SEZ6L: variants seen among roughly 807,000 people sequenced by gnomAD.
SEZ6L encodes the protein seizure related 6 homolog like, also known as seizure 6-like protein.
SEZ6L carries 37 observed loss-of-function variants against 106.2 expected under a neutral mutation model. That is an observed-to-expected ratio of 0.35 (90% confidence interval 0.27 to 0.46). The LOEUF is 0.46. Ranked by LOEUF, SEZ6L falls within the 20% of genes least tolerant of loss-of-function variation. The pLI is 1.00. For synonymous variants in SEZ6L, 541 were observed against 570.4 expected, an observed-to-expected ratio of 0.95 and a Z score of 0.73; for missense variants, 1,172 against 1,332.8, an observed-to-expected ratio of 0.88 and a Z score of 1.88.
intron 14 of SEZ6L, among the ~76,000 whole-genome samples, chr22:26,373,946 A>G (rs1194947337): frequency 1.3e-5 from 2 of 152,048 alleles, no homozygotes; most frequent in Admixed American, 6.6e-5. Context: ...CCCTTCTCCC[A>G]TCTCTCCTTA....
At chr22:26,174,217 G>T (rs1478461010) in intron 1 of SEZ6L, among the ~76,000 whole-genome samples, 1 of 152,150 alleles carries the variant, frequency 6.6e-6, no homozygotes, top group Non-Finnish European at 1.5e-5. Flanking sequence ...GTCAGTGAAG[G>T]CTTCCTGGAG....
At chr22:26,267,653 G>C (rs913523849) in intron 1 of SEZ6L, among the ~76,000 whole-genome samples, 10 of 152,150 alleles carry the variant, frequency 6.6e-5, no homozygotes, top group African/African-American at 2.4e-4. Flanking sequence ...ATGAAAGTAG[G>C]CATTTTAATT....
intron 13 of SEZ6L, among the ~76,000 whole-genome samples, chr22:26,365,912 CTGT>C (rs2083794857): frequency 6.6e-6 from 1 of 151,994 alleles, no homozygotes; most frequent in Non-Finnish European, 1.5e-5. Flanking sequence ...AGCTGAGCTG[CTGT>C]ACTTCATTAA....
chr22:26,348,612 A>AAGAAAGAAAGAAAG lies in SEZ6L; in HGVS notation c.2407+700_2407+701insGAAAGAAAGAAAGA, dbSNP rs1247149879. 9.2e-5 allele frequency among the ~76,000 whole-genome samples: 2 copies of AAGAAAGAAAGAAAG among 21,786 alleles called. 1 individual carries two copies. The highest frequency in any genetic ancestry group is 8.8e-4 in the African/African-American group (2 of 2,282). The allele number at this position is 21,786 out of a possible 152,430, so 14.3% of individuals were successfully genotyped here. The stretch of plus-strand genomic sequence containing the variant: ...AGAAAGAAAGAAAGAAAGAAAGAGA[A>AAGAAAGAAAGAAAG]AAAGAAAGAAAGAAAGAAAGAAAGA... On this transcript the variant is annotated intron_variant, in intron 11 of 16. Transcript: ENST00000248933.
At chr22:26,322,655 G>A (rs1228264885) in intron 9 of SEZ6L, among the ~76,000 whole-genome samples, 1 of 152,190 alleles carries the variant, frequency 6.6e-6, no homozygotes. Context: ...GTGACCATTA[G>A]GCATGAAATG....
chr22:26,327,151 G>T (rs2082331108), intron 9 of SEZ6L, among the ~76,000 whole-genome samples: 1 of 151,764 alleles, frequency 6.6e-6, no homozygotes, highest in Non-Finnish European at 1.5e-5. Context: ...CTCCAGCAAT[G>T]CAGAGCCCCG....
rs181751696 is a variant in SEZ6L, at chr22:26,342,579, C to T, written c.2212+1947C>T. 5.6e-3 allele frequency among the ~76,000 whole-genome samples: 851 copies of T among 152,052 alleles called. 1 individual carries two copies. The highest frequency in any genetic ancestry group is 8.0e-3 in the Non-Finnish European group (541 of 67,972). ...GGTGTGGTGGCAGGCACCTGTAGTCCCAGCTACTCGGGAGGCTGAGGCAGG... is the reference window on the plus strand; with the variant it reads ...GGTGTGGTGGCAGGCACCTGTAGTCTCAGCTACTCGGGAGGCTGAGGCAGG... On this transcript the variant is annotated intron_variant, in intron 10 of 16. Coordinates refer to ENST00000248933, the MANE Select transcript of SEZ6L (RefSeq NM_021115.5).
At chr22:26,235,758 T>C (rs987296373) in intron 1 of SEZ6L, among the ~76,000 whole-genome samples, 1 of 152,202 alleles carries the variant, frequency 6.6e-6, no homozygotes, top group African/African-American at 2.4e-5. Context: ...ACCTGGAGCA[T>C]GGATCTCCAA....
intron 1 of SEZ6L, among the ~76,000 whole-genome samples, chr22:26,183,113 T>C (rs1283845931): frequency 6.6e-6 from 1 of 152,210 alleles, no homozygotes; most frequent in Non-Finnish European, 1.5e-5. Flanking sequence ...CTTGCTTAAT[T>C]ATTAGCAGAA....
At chr22:26,235,950 T>A (rs966622736) in intron 1 of SEZ6L, among the ~76,000 whole-genome samples, 3 of 152,252 alleles carry the variant, frequency 2.0e-5, no homozygotes, top group Non-Finnish European at 4.4e-5. Flanking sequence ...CATGAGTCAC[T>A]GGGCTTGCGG....
Position 26,311,980 on chromosome 22 carries a change from G to A in SEZ6L, c.1876+18G>A, listed in dbSNP as rs777124607. The A allele has an allele frequency of 2.5e-5, 40 of 1,606,416 alleles. No individual in the cohort carries two copies. The highest frequency in any genetic ancestry group is 2.7e-5 in the Non-Finnish European group (32 of 1,174,896). On this transcript the variant is annotated intron_variant, in intron 8 of 16. Coordinates refer to ENST00000248933, the MANE Select transcript of SEZ6L (RefSeq NM_021115.5). ...GTGCAGAGGTGAGCGGATCCACAAC[G>A]CTCTTCCCACGGCACCCCAGGGATC... is the stretch of plus-strand genomic sequence containing the variant.
At chr22:26,284,591 C>A (rs2080869801) in intron 1 of SEZ6L, among the ~76,000 whole-genome samples, 1 of 108,054 alleles carries the variant, frequency 9.3e-6, no homozygotes, top group African/African-American at 3.5e-5. Context: ...GCCTTGATGA[C>A]AGATCAGGAC....
intron 16 of SEZ6L, 35 bp from the exon 17 acceptor site, chr22:26,380,231 A>G: frequency 6.2e-7 from 1 of 1,610,988 alleles, no homozygotes; most frequent in Non-Finnish European, 8.5e-7. Context: ...CTACCACACA[A>G]GCGTTTGACA....
At chr22:26,259,020 T>C (rs2079915288) in intron 1 of SEZ6L, among the ~76,000 whole-genome samples, 1 of 152,162 alleles carries the variant, frequency 6.6e-6, no homozygotes, top group African/African-American at 2.4e-5. Context: ...TTTGGGCCAG[T>C]GGGCATGGCC....
chr22:26,209,504 AG>A (rs1303426897), intron 1 of SEZ6L, among the ~76,000 whole-genome samples: 2 of 142,760 alleles, frequency 1.4e-5, no homozygotes, highest in African/African-American at 5.1e-5. Context: ...GATGGATGGC[AG>A]GGAGGAAGGA....
At chr22:26,267,672 G>A (rs1307861922) in intron 1 of SEZ6L, among the ~76,000 whole-genome samples, 1 of 152,220 alleles carries the variant, frequency 6.6e-6, no homozygotes, top group East Asian at 1.9e-4. Flanking sequence ...TTGTGCAAGA[G>A]ACAGAAAAGG....
At chr22:26,365,236 A>T (rs893302210) in intron 12 of SEZ6L, 136 bp from the exon 13 acceptor site, 8 of 678,244 alleles carry the variant, frequency 1.2e-5, no homozygotes, top group Non-Finnish European at 2.0e-5. Flanking sequence ...AGAAATAGAA[A>T]ACAGTCTGAT....
intron 1 of SEZ6L, among the ~76,000 whole-genome samples, chr22:26,253,674 A>T (rs2079694625): frequency 6.6e-6 from 1 of 152,208 alleles, no homozygotes; most frequent in South Asian, 2.1e-4. Context: ...AGTTAAATTT[A>T]GTTTACTGTA....
chr22:26,259,302 T>G (rs2079924190), intron 1 of SEZ6L, among the ~76,000 whole-genome samples: 1 of 152,216 alleles, frequency 6.6e-6, no homozygotes, highest in South Asian at 2.1e-4. Context: ...TCCTTGACAA[T>G]TTTTGAAAGA....
Sources: gnomAD v4.1 joint callset for allele counts (sites outside exome capture counted in the v4.1 genomes callset) on GRCh38, gnomAD v4.1.1 for gene constraint, MANE v1.5 for transcripts, NCBI Gene and HGNC (gene_info 2026-07-23, HGNC 2026-07-21) for gene names.